HPCAL1: variants seen among roughly 807,000 people sequenced by gnomAD.
HPCAL1 encodes the protein hippocalcin like 1.
A neutral mutation model predicts 17.1 loss-of-function variants in HPCAL1; 8 were observed. The ratio of observed to expected loss-of-function variants is 0.47; its 90% CI spans 0.27 to 0.84. HPCAL1 has a LOEUF of 0.84. Among genes scored for constraint, HPCAL1 ranks in the 40% least tolerant of loss-of-function variants. The pLI, the probability that HPCAL1 is intolerant of heterozygous loss-of-function variation, is 0.13. For synonymous variants in HPCAL1, 112 were observed against 111.4 expected, an observed-to-expected ratio of 1.01 and a Z score of -0.03; for missense variants, 165 against 271.1, an observed-to-expected ratio of 0.61 and a Z score of 2.75.
At chr2:10,326,275 G>T (rs1400871780) in intron 1 of HPCAL1, among the ~76,000 whole-genome samples, 2 of 152,228 alleles carry the variant, frequency 1.3e-5, no homozygotes, top group Non-Finnish European at 2.9e-5. Flanking sequence ...CTGCCTCAAG[G>T]GGTCCCTGGC....
chr2:10,409,188 G>A (rs73914077), intron 2 of HPCAL1, among the ~76,000 whole-genome samples: 1,972 of 152,290 alleles, frequency 0.013, 45 homozygotes, highest in African/African-American at 0.044. Context: ...AGCCACGTGT[G>A]GCTGGTTGTG....
chr2:10,403,046 G>A (rs1164122941), intron 2 of HPCAL1, among the ~76,000 whole-genome samples: 2 of 152,100 alleles, frequency 1.3e-5, no homozygotes, highest in Non-Finnish European at 2.9e-5. Flanking sequence ...TGGGGCTCAT[G>A]AACTGATCAA....
At chr2:10,393,959 GAA>G (rs34916252) in intron 1 of HPCAL1, among the ~76,000 whole-genome samples, 18,201 of 129,702 alleles carry the variant, frequency 0.14, 1,201 homozygotes, top group South Asian at 0.24. Flanking sequence ...TACTAAAAAT[GAA>G]AAAAAAAAAA....
chr2:10,404,103 G>A (rs1324414265), intron 2 of HPCAL1, among the ~76,000 whole-genome samples: 1 of 152,134 alleles, frequency 6.6e-6, no homozygotes, highest in Non-Finnish European at 1.5e-5. Context: ...ACATGCAGAG[G>A]TCACCAGCCC....
At chr2:10,326,273 A>G (rs1317207377) in intron 1 of HPCAL1, among the ~76,000 whole-genome samples, 1 of 152,218 alleles carries the variant, frequency 6.6e-6, no homozygotes, top group Non-Finnish European at 1.5e-5. Flanking sequence ...CCCTGCCTCA[A>G]GGGGTCCCTG....
chr2:10,381,331 G>C (rs1667929723), intron 1 of HPCAL1, among the ~76,000 whole-genome samples: 1 of 152,222 alleles, frequency 6.6e-6, no homozygotes, highest in South Asian at 2.1e-4. Flanking sequence ...TCTGCACAGG[G>C]ACCTTGACTC....
At chr2:10,311,729 C>G (rs961507765) in intron 1 of HPCAL1, among the ~76,000 whole-genome samples, 27 of 152,182 alleles carry the variant, frequency 1.8e-4, no homozygotes, top group African/African-American at 6.3e-4. Context: ...GTGGTTTGTG[C>G]TGGGCCAGTT....
At chr2:10,315,899 C>T (rs543559697) in intron 1 of HPCAL1, among the ~76,000 whole-genome samples, 5 of 152,052 alleles carry the variant, frequency 3.3e-5, no homozygotes, top group Non-Finnish European at 7.4e-5. Context: ...GCCAGCTACT[C>T]GGGAGGCTGA....
At chr2:10,401,112 C>T (rs1669580113) in intron 2 of HPCAL1, among the ~76,000 whole-genome samples, 1 of 152,204 alleles carries the variant, frequency 6.6e-6, no homozygotes, top group African/African-American at 2.4e-5. Flanking sequence ...GGACACTCCC[C>T]TGACCTTGCT....
At chr2:10,426,286 G>T in intron 4 of HPCAL1, 1 of 163,296 alleles carries the variant, frequency 6.1e-6, no homozygotes, top group South Asian at 1.7e-4. Context: ...AGCCTGAGCA[G>T]CGGGTCTACG....
Position 10,423,035 on chromosome 2 carries a change from C to T in HPCAL1, c.431C>T (p.Thr144Ile), listed in dbSNP as rs1671165038. Residue 144 changes from threonine (T) to isoleucine (I), a missense_variant, in exon 4 of 5, where the codon ACC becomes ATC. Coordinates refer to ENST00000307845, the MANE Select transcript of HPCAL1 (RefSeq NM_002149.4). ...SVMKMPEDES[T>I]PEKRTDKIFR... is the part of the protein sequence containing the mutation. ...ATGAAGATGCCGGAGGATGAGTCCA[C>T]CCCGGAGAAGCGCACAGACAAGATC... The T allele has an allele frequency of 3.1e-6, 5 of 1,613,502 alleles. No individual in the cohort carries two copies. The highest frequency in any genetic ancestry group is 4.2e-6 in the Non-Finnish European group (5 of 1,179,950).
intron 1 of HPCAL1, among the ~76,000 whole-genome samples, chr2:10,318,620 C>T (rs181680231): frequency 6.6e-6 from 1 of 152,126 alleles, no homozygotes; most frequent in East Asian, 1.9e-4. Context: ...CGGGTGGGCT[C>T]GGTTTTCTAG....
In HPCAL1 at chr2:10,362,606, C is replaced by T. The variant is rs982963533; in HGVS notation, c.-110-34229C>T. Among the ~76,000 whole-genome samples, 4 of 152,170 alleles carry T rather than the reference C, an allele frequency of 2.6e-5. No individual in the cohort carries two copies. Among genetic ancestry groups the T allele is most frequent in the Admixed American group, 2.0e-4 (3 of 15,284 alleles). ...ATGTTCTGCCACTTGGCAGCCTCACCAGGGACATATCAGCCCCAGGCTGAT... is the reference window on the plus strand; with the variant it reads ...ATGTTCTGCCACTTGGCAGCCTCACTAGGGACATATCAGCCCCAGGCTGAT... On this transcript the variant is annotated intron_variant, in intron 1 of 4. Coordinates refer to ENST00000307845, the MANE Select transcript of HPCAL1 (RefSeq NM_002149.4). The surrounding 1 kb of genome is among the most constrained non-coding windows in gnomAD (Gnocchi z 5.0).
At position 10,365,215 on chromosome 2, in the gene HPCAL1, G is replaced by T. The variant is rs1252509924; in HGVS notation, c.-110-31620G>T. Among the ~76,000 whole-genome samples, 1 of 152,194 alleles carries T rather than the reference G, an allele frequency of 6.6e-6. No homozygotes were observed. The highest frequency in any genetic ancestry group is 6.5e-5 in the Admixed American group (1 of 15,282). ...GGCCGCCAGAGAGGTCTAGGCCTCC[G>T]ACCCTGACCTTGCTCCTCTTGGATG... On this transcript the variant is annotated intron_variant, in intron 1 of 4. Transcript: ENST00000307845. This position sits in a 1 kb window ranked among gnomAD's most constrained non-coding sequence, Gnocchi z 4.8.
In HPCAL1 at chr2:10,372,686, T is replaced by C. The variant is rs1667299962; in HGVS notation, c.-110-24149T>C. ...CTGCCTGCCCGGAGGGTGGCGTGGG[T>C]CCCATCGCTCTCCGTCAGCCACGGC... is the stretch of plus-strand genomic sequence containing the variant. On this transcript the variant is annotated intron_variant, in intron 1 of 4. Transcript: ENST00000307845. Among the ~76,000 whole-genome samples the C allele has an allele frequency of 2.0e-5, 3 of 152,246 alleles. No individual in the cohort carries two copies. In the South Asian group the frequency reaches 6.2e-4, roughly 32 times the overall value.
At chr2:10,387,997 G>A (rs1418372950) in intron 1 of HPCAL1, among the ~76,000 whole-genome samples, 1 of 152,158 alleles carries the variant, frequency 6.6e-6, no homozygotes, top group Non-Finnish European at 1.5e-5. Flanking sequence ...AGGGAGGCCT[G>A]GATGCTTTTT....
chr2:10,378,475 C>T (rs1267996131), intron 1 of HPCAL1, among the ~76,000 whole-genome samples: 3 of 152,070 alleles, frequency 2.0e-5, no homozygotes, highest in Non-Finnish European at 4.4e-5. Flanking sequence ...TAGATCAGGG[C>T]GTCCGCATTG....
chr2:10,352,637 T>C, intron 1 of HPCAL1, among the ~76,000 whole-genome samples: 1 of 152,336 alleles, frequency 6.6e-6, no homozygotes, highest in Non-Finnish European at 1.5e-5. Context: ...GGGCCACGCT[T>C]AGCTCTCCTT....
rs141629241 is a variant in HPCAL1 at position 10,342,171 on chromosome 2, AAAT to A, written c.-111+39012_-111+39014del. Among the ~76,000 whole-genome samples, 4 of 151,770 alleles carry A rather than the reference AAAT, an allele frequency of 2.6e-5. No homozygotes were observed. Among genetic ancestry groups the A allele is most frequent in the South Asian group, 2.1e-4 (1 of 4,812 alleles). The stretch of plus-strand genomic sequence containing the variant: ...GTGACAGAGTGGACCTTGTCTGTAA[AAAT>A]AATAATAATAATAATAAAGCTTTGC... On this transcript the variant is annotated intron_variant, in intron 1 of 4. Transcript: ENST00000307845. The surrounding 1 kb of genome is among the most constrained non-coding windows in gnomAD (Gnocchi z 4.1).
Sources: allele counts gnomAD v4.1 joint callset (sites outside exome capture counted in the v4.1 genomes callset), GRCh38; gene constraint gnomAD v4.1.1; non-coding constraint Gnocchi (gnomAD v3.1); transcripts MANE v1.5; gene names NCBI Gene and HGNC (gene_info 2026-07-23, HGNC 2026-07-21).